The following CAST variants were observed in gnomAD, a reference collection of about 807,000 sequenced individuals.
CAST encodes the protein MIR583 host.
In CAST, 76 loss-of-function variants were observed where a neutral mutation model predicts 119.6. The ratio of observed to expected loss-of-function variants is 0.64; its 90% CI spans 0.53 to 0.77. The LOEUF is 0.77. CAST is among the 30% of genes least tolerant of loss of function. The pLI is 0.00. For synonymous variants in CAST, 319 were observed against 331.6 expected, an observed-to-expected ratio of 0.96 and a Z score of 0.41; for missense variants, 953 against 946.5, an observed-to-expected ratio of 1.01 and a Z score of -0.09.
intron 1 of CAST, among the ~76,000 whole-genome samples, chr5:96,663,964 C>T (rs1271165573): frequency 6.7e-6 from 1 of 149,858 alleles, no homozygotes; most frequent in Non-Finnish European, 1.5e-5. Context: ...AAATCACACA[C>T]AGGAGTTTTG....
chr5:96,123,442 A>G, the CAST span, among the ~76,000 whole-genome samples: 1 of 152,178 alleles, frequency 6.6e-6, no homozygotes, highest in Non-Finnish European at 1.5e-5. Flanking sequence ...GTTGATTGAC[A>G]GGGTTAAAAC....
chr5:95,971,536 G>A, the CAST span, among the ~76,000 whole-genome samples: 3 of 151,890 alleles, frequency 2.0e-5, no homozygotes, highest in South Asian at 2.1e-4. Flanking sequence ...TCAAAAATTC[G>A]ACAAACAGAA....
At chr5:96,444,964 G>A in the CAST span, among the ~76,000 whole-genome samples, 2 of 152,150 alleles carry the variant, frequency 1.3e-5, no homozygotes, top group Non-Finnish European at 2.9e-5. Flanking sequence ...GGATGGCCTG[G>A]CCAGATAGAA....
the CAST span, among the ~76,000 whole-genome samples, chr5:96,465,948 A>G: frequency 6.6e-6 from 1 of 152,124 alleles, no homozygotes; most frequent in African/African-American, 2.4e-5. Context: ...ACTTGAGTTT[A>G]TAACTGATAC....
chr5:96,750,490 C>A, intron 19 of CAST, 97 bp from the exon 20 acceptor site: 2 of 693,030 alleles, frequency 2.9e-6, no homozygotes, highest in Non-Finnish European at 5.2e-6. Flanking sequence ...ATGTTCACAC[C>A]ATATAATGTA....
chr5:96,363,492 GTGTCCTCTTTTA>G, the CAST span, among the ~76,000 whole-genome samples: 1 of 152,262 alleles, frequency 6.6e-6, no homozygotes, highest in East Asian at 1.9e-4. Flanking sequence ...CCATTTGTTT[GTGTCCTCTTTTA>G]TGTCGTTGAG....
chr5:96,665,805 T>C (rs1749260700), intron 1 of CAST, among the ~76,000 whole-genome samples: 1 of 151,986 alleles, frequency 6.6e-6, no homozygotes, highest in South Asian at 2.1e-4. Flanking sequence ...TATACATATA[T>C]GTGCATATTT....
At chr5:96,765,074 A>T in intron 25 of CAST, 147 bp from the exon 26 acceptor site, 1 of 630,464 alleles carries the variant, frequency 1.6e-6, no homozygotes, top group African/African-American at 1.9e-5. Flanking sequence ...CTCTTCTCTG[A>T]CCCTGTCTAC....
the CAST span, chr5:96,393,249 G>T: frequency 6.2e-7 from 1 of 1,614,004 alleles, no homozygotes; most frequent in South Asian, 1.1e-5. Context: ...AAAGCACTTT[G>T]CAGGAGTCGC....
At chr5:96,561,792 T>TC (rs1554067786) in intron 1 of CAST, among the ~76,000 whole-genome samples, 2 of 65,266 alleles carry the variant, frequency 3.1e-5, no homozygotes, top group Admixed American at 3.4e-4. Flanking sequence ...ATATGTTTTT[T>TC]TTTGTTTTTT....
At chr5:96,275,798 G>T in the CAST span, among the ~76,000 whole-genome samples, 2 of 152,146 alleles carry the variant, frequency 1.3e-5, no homozygotes, top group African/African-American at 4.8e-5. Context: ...CACATTACAG[G>T]CTCATTTGCT....
chr5:96,462,266 G>A, the CAST span, among the ~76,000 whole-genome samples: 1 of 152,016 alleles, frequency 6.6e-6, no homozygotes, highest in South Asian at 2.1e-4. Context: ...CTTGTGTTTT[G>A]TCTACTATCA....
chr5:96,597,405 A>T (rs909504769), intron 1 of CAST, among the ~76,000 whole-genome samples: 3 of 152,198 alleles, frequency 2.0e-5, no homozygotes, highest in African/African-American at 7.2e-5. Flanking sequence ...TGCAGCTGGG[A>T]CCCTGCTGTC....
the CAST span, among the ~76,000 whole-genome samples, chr5:95,962,428 G>A: frequency 6.6e-6 from 1 of 152,234 alleles, no homozygotes; most frequent in African/African-American, 2.4e-5. Context: ...TAGTACTGTA[G>A]TTGAGCAAAC....
chr5:96,621,200 G>GT (rs1449073918), intron 1 of CAST, among the ~76,000 whole-genome samples: 2 of 152,168 alleles, frequency 1.3e-5, no homozygotes, highest in Non-Finnish European at 2.9e-5. Context: ...TAGAAGAAAG[G>GT]TTTTGTCTCT....
At chr5:96,575,447 T>A (rs556322014) in intron 1 of CAST, among the ~76,000 whole-genome samples, 1 of 152,316 alleles carries the variant, frequency 6.6e-6, no homozygotes, top group South Asian at 2.1e-4. Flanking sequence ...TGAGTAAGAA[T>A]GGACAGAATG....
intron 1 of CAST, among the ~76,000 whole-genome samples, chr5:96,607,648 A>T (rs1244325409): frequency 2.6e-5 from 2 of 75,542 alleles, no homozygotes; most frequent in Admixed American, 1.3e-4. Flanking sequence ...TCCTTTCATC[A>T]TCACTTTTCC....
chr5:96,346,078 T>C, the CAST span, among the ~76,000 whole-genome samples: 2 of 152,190 alleles, frequency 1.3e-5, no homozygotes, highest in African/African-American at 4.8e-5. Context: ...TGATGGAGTT[T>C]GCATTTGGGT....
At chr5:96,702,363 ATATAC>A (rs1298733531) in intron 3 of CAST, among the ~76,000 whole-genome samples, 6 of 152,188 alleles carry the variant, frequency 3.9e-5, no homozygotes, top group South Asian at 2.1e-4. Flanking sequence ...GAAGTTTGTA[ATATAC>A]TATAATATAA....
Sources: gnomAD v4.1 joint callset for allele counts (sites outside exome capture counted in the v4.1 genomes callset) on GRCh38, gnomAD v4.1.1 for gene constraint, MANE v1.5 for transcripts, NCBI Gene and HGNC (gene_info 2026-07-23, HGNC 2026-07-21) for gene names.